The following RGS7 variants were observed in gnomAD, a reference collection of about 807,000 sequenced individuals.
RGS7 encodes the protein regulator of G-protein signaling 7.
A neutral mutation model predicts 81.1 loss-of-function variants in RGS7; 27 were observed. That is an observed-to-expected ratio of 0.33 (90% CI 0.25 to 0.46). RGS7 has a LOEUF of 0.46. Among genes scored for constraint, RGS7 ranks in the 20% least tolerant of loss-of-function variants. The probability of loss-of-function intolerance (pLI) is 1.00; values close to 1 mark genes in which losing one functional copy is unlikely to be tolerated. For missense variants in RGS7, 396 were observed against 607.4 expected (o/e 0.65, Z 3.66); for synonymous variants, 208 against 207.7 (o/e 1.00, Z -0.01).
chr1:240,972,790 G>T (rs2148515867), intron 4 of RGS7, among the ~76,000 whole-genome samples: 1 of 146,794 alleles, frequency 6.8e-6, no homozygotes, highest in South Asian at 2.2e-4. Context: ...AGAGGCCAAG[G>T]CAGGGAGATC....
At chr1:241,221,176 A>G (rs935109840) in intron 2 of RGS7, among the ~76,000 whole-genome samples, 66 of 146,218 alleles carry the variant, frequency 4.5e-4, no homozygotes, top group Non-Finnish European at 7.0e-4. Context: ...GGAAGGGGAA[A>G]AAAGAAAGAG....
intron 3 of RGS7, among the ~76,000 whole-genome samples, chr1:241,070,324 G>GAA (rs375392335): frequency 0.12 from 16,943 of 138,542 alleles, 1,380 homozygotes; most frequent in East Asian, 0.29. Flanking sequence ...AGGAGAAATG[G>GAA]AAAAAAAAAA....
At chr1:241,268,223 G>A (rs2077690226) in intron 2 of RGS7, among the ~76,000 whole-genome samples, 1 of 152,178 alleles carries the variant, frequency 6.6e-6, no homozygotes, top group Non-Finnish European at 1.5e-5. Flanking sequence ...GCAGAGCCAG[G>A]AAGAGAGCTG....
intron 3 of RGS7, among the ~76,000 whole-genome samples, chr1:241,046,993 C>T (rs2060963424): frequency 6.6e-6 from 1 of 152,148 alleles, no homozygotes; most frequent in Admixed American, 6.5e-5. Context: ...CTTGTTCCTC[C>T]AACAGCAGCA....
intron 3 of RGS7, among the ~76,000 whole-genome samples, chr1:241,003,723 C>A (rs1462151381): frequency 6.6e-6 from 1 of 152,114 alleles, no homozygotes; most frequent in African/African-American, 2.4e-5. Flanking sequence ...TCCAGCAAAG[C>A]ACTACTGGGA....
At chr1:241,177,011 G>T (rs1269194572) in intron 2 of RGS7, among the ~76,000 whole-genome samples, 1 of 152,222 alleles carries the variant, frequency 6.6e-6, no homozygotes, top group East Asian at 1.9e-4. Context: ...GTTTATGCAA[G>T]AAGCATTTAC....
chr1:241,016,514 C>A (rs544711235), intron 3 of RGS7, among the ~76,000 whole-genome samples: 11 of 151,706 alleles, frequency 7.3e-5, no homozygotes, highest in South Asian at 4.2e-4. Context: ...GAGACTCAAT[C>A]TCAAAAAAAC....
intron 3 of RGS7, among the ~76,000 whole-genome samples, chr1:240,995,998 T>A (rs932920839): frequency 1.3e-5 from 2 of 151,212 alleles, no homozygotes; most frequent in Non-Finnish European, 2.9e-5. Flanking sequence ...CAAATTGACA[T>A]GTTACATTTT....
intron 3 of RGS7, among the ~76,000 whole-genome samples, chr1:241,092,279 A>G (rs533217915): frequency 6.6e-6 from 1 of 152,240 alleles, no homozygotes; most frequent in African/African-American, 2.4e-5. Context: ...TATCTTACAA[A>G]TTTAAAATTA....
At chr1:241,247,458 C>T (rs539755602) in intron 2 of RGS7, among the ~76,000 whole-genome samples, 10 of 152,154 alleles carry the variant, frequency 6.6e-5, no homozygotes, top group South Asian at 4.1e-4. Context: ...AAGGTGGAGA[C>T]GAGAGACTGA....
At chr1:240,954,550 ATGT>A (rs1680046908) in intron 4 of RGS7, among the ~76,000 whole-genome samples, 1 of 151,360 alleles carries the variant, frequency 6.6e-6, no homozygotes, top group African/African-American at 2.4e-5. Flanking sequence ...AAACTTATCC[ATGT>A]AAAAGAAAAA....
At chr1:240,909,159 A>G (rs1172353781) in intron 6 of RGS7, among the ~76,000 whole-genome samples, 1 of 152,168 alleles carries the variant, frequency 6.6e-6, no homozygotes, top group African/African-American at 2.4e-5. Context: ...CATGATTTTC[A>G]GAGACTGATG....
chr1:241,344,686 C>T (rs778514515), intron 2 of RGS7, among the ~76,000 whole-genome samples: 5 of 152,264 alleles, frequency 3.3e-5, no homozygotes, highest in Admixed American at 1.3e-4. Flanking sequence ...TCCTGAGTTG[C>T]CAGAATTAGA....
At chr1:241,116,602 C>T (rs1296222207) in intron 2 of RGS7, among the ~76,000 whole-genome samples, 1 of 152,132 alleles carries the variant, frequency 6.6e-6, no homozygotes, top group East Asian at 1.9e-4. Flanking sequence ...GACAACAGTT[C>T]ATATACTAAT....
intron 2 of RGS7, among the ~76,000 whole-genome samples, chr1:241,270,190 C>T (rs2077800169): frequency 6.6e-6 from 1 of 152,180 alleles, no homozygotes; most frequent in South Asian, 2.1e-4. Flanking sequence ...CATCCCTGAT[C>T]CTCTCACTAA....
intron 3 of RGS7, among the ~76,000 whole-genome samples, chr1:241,054,613 C>T (rs2061396774): frequency 6.6e-6 from 1 of 152,162 alleles, no homozygotes; most frequent in Non-Finnish European, 1.5e-5. Context: ...ATAACATGTC[C>T]AAAATAGAAC....
At chr1:241,188,933 T>A (rs2072367283) in intron 2 of RGS7, among the ~76,000 whole-genome samples, 1 of 152,100 alleles carries the variant, frequency 6.6e-6, no homozygotes, top group East Asian at 1.9e-4. Context: ...AATATACGAG[T>A]GCTCCAGTTC....
intron 2 of RGS7, among the ~76,000 whole-genome samples, chr1:241,319,184 T>C (rs1336086577): frequency 6.6e-6 from 1 of 152,208 alleles, no homozygotes; most frequent in African/African-American, 2.4e-5. Flanking sequence ...ATATTTAATA[T>C]AAAAATCTTC....
chr1:240,952,177 T>A (rs925468442), intron 4 of RGS7, among the ~76,000 whole-genome samples: 3 of 151,902 alleles, frequency 2.0e-5, no homozygotes, highest in Admixed American at 6.6e-5. Context: ...GACCAGAAAC[T>A]TCTACATACA....
Sources: gnomAD v4.1 joint callset for allele counts (sites outside exome capture counted in the v4.1 genomes callset) on GRCh38, gnomAD v4.1.1 for gene constraint, MANE v1.5 for transcripts, NCBI Gene and HGNC (gene_info 2026-07-23, HGNC 2026-07-21) for gene names.